Variants in IRF9 observed in about 807,000 individuals in gnomAD.
The protein encoded by IRF9 is IFN-alpha-responsive transcription factor subunit.
In IRF9, 13 loss-of-function variants were observed where a neutral mutation model predicts 44.1. The observed-to-expected ratio is 0.29, with a 90% CI of 0.19 to 0.47. The LOEUF is 0.47. Ranked by LOEUF, IRF9 falls within the 20% of genes least tolerant of loss-of-function variation. IRF9 has a pLI of 1.00. For synonymous variants in IRF9, 189 were observed against 188.5 expected, an observed-to-expected ratio of 1.00 and a Z score of -0.02; for missense variants, 373 against 496.1, an observed-to-expected ratio of 0.75 and a Z score of 2.36.
At position 24,164,171 on chromosome 14, in the gene IRF9, C is replaced by A. The variant is rs760651350; in HGVS notation, c.649+37C>A. On this transcript the variant is annotated intron_variant, in intron 6 of 8. Transcript: ENST00000396864. The surrounding 1 kb of genome is among the most constrained non-coding windows in gnomAD (Gnocchi z 5.2). ...TTCTGACTTTCTCCTGTGCCCTGTG[C>A]CCCTGAGGTCTTCCACCTTTGACTA... The A allele has an allele frequency of 6.4e-7, 1 of 1,560,946 alleles. No homozygotes were observed. Among genetic ancestry groups the A allele is most frequent in the South Asian group, 1.1e-5 (1 of 89,912 alleles).
Position 24,166,295 on chromosome 14 carries a change from A to C in IRF9, c.*99A>C. On this transcript the variant is annotated 3_prime_UTR_variant, in exon 9 of 9. Coordinates refer to ENST00000396864, the MANE Select transcript of IRF9 (RefSeq NM_006084.5). ...CGATTGACCTGTCCTCTTTGTGATAATTCTCAGTAGTTGTCCGTGATAATC... is the reference window on the plus strand; with the variant it reads ...CGATTGACCTGTCCTCTTTGTGATACTTCTCAGTAGTTGTCCGTGATAATC... 1 of 1,056,896 alleles carries C rather than the reference A, an allele frequency of 9.5e-7. No homozygotes were observed. The highest frequency in any genetic ancestry group is 1.4e-6 in the Non-Finnish European group (1 of 699,004). The allele number at this position is 1,056,896 out of a possible 1,614,324, so 65.5% of individuals were successfully genotyped here.
chr14:24,162,864 C>A, intron 2 of IRF9, 102 bp from the exon 3 acceptor site: 1 of 873,386 alleles, frequency 1.1e-6, no homozygotes, highest in Non-Finnish European at 1.8e-6. Flanking sequence ...CCTGCATAAT[C>A]CCTTCTGAGC....
Position 24,165,144 on chromosome 14 carries a change from C to A in IRF9, c.991+189C>A, listed in dbSNP as rs143178384. 1.6e-3 allele frequency: 1,153 copies of A among 713,886 alleles called. 7 individuals carry two copies. The highest frequency in any genetic ancestry group is 0.016 in the African/African-American group (895 of 57,540). The allele number at this position is 713,886 out of a possible 1,614,324, so 44.2% of individuals were successfully genotyped here. A position where few individuals can be genotyped will look rare whatever the true frequency, so the allele number is the denominator to read the frequency against. The stretch of plus-strand genomic sequence containing the variant: ...TATGCCCAGCCTGGCAGCTACCTGG[C>A]AGCTCTCCTCCAGCCAAGACAATGG... On this transcript the variant is annotated intron_variant, in intron 7 of 8. Transcript: ENST00000396864.
intron 4 of IRF9, 26 bp downstream of exon 4, chr14:24,163,534 G>A (rs201764735): frequency 6.2e-7 from 1 of 1,610,432 alleles, no homozygotes; most frequent in Non-Finnish European, 8.5e-7. Context: ...GGAACTGGGT[G>A]GGCCTAAGGG....
At chr14:24,165,505 G>A (rs1000825808) in intron 7 of IRF9, 3 of 530,304 alleles carry the variant, frequency 5.7e-6, no homozygotes, top group Non-Finnish European at 6.8e-6. Flanking sequence ...GGCCATGGGT[G>A]CCCTAGCACT....
At position 24,162,296 on chromosome 14, in the gene IRF9, G is replaced by A. The variant is rs201638725; in HGVS notation, c.152G>A (p.Arg51Gln). 1.9e-5 allele frequency: 30 copies of A among 1,613,944 alleles called. No homozygotes were observed. Among genetic ancestry groups the A allele is most frequent in the Non-Finnish European group, 2.4e-5 (28 of 1,179,974 alleles). ...PWKHAGKQDF[R>Q]EDQDAAFFKA... is the part of the protein sequence containing the mutation. ...AAACATGCAGGCAAGCAGGACTTCC[G>A]GGAGGACCAGGATGCTGCCTTCTTC... Residue 51 changes from arginine to glutamine, a missense_variant, in exon 2 of 9, where the codon CGG becomes CAG. Physicochemically the swap from Arg to Gln is conservative, Grantham distance 43 (BLOSUM62 1). Coordinates refer to ENST00000396864, the MANE Select transcript of IRF9 (RefSeq NM_006084.5).
At chr14:24,162,374 CACACTGGT>C (rs759402927) in intron 2 of IRF9, 50 bp downstream of exon 2, 1 of 1,531,198 alleles carries the variant, frequency 6.5e-7, no homozygotes, top group Admixed American at 1.9e-5. Flanking sequence ...ATGGTGTATA[CACACTGGT>C]ACACTCATCC....
intron 3 of IRF9, 38 bp from the exon 4 acceptor site, chr14:24,163,340 A>C: frequency 6.2e-7 from 1 of 1,604,304 alleles, no homozygotes. Context: ...TCCTTGCTCA[A>C]GACCCTGACC....
intron 4 of IRF9, 63 bp from the exon 5 acceptor site, chr14:24,163,815 C>T (rs2038489152): frequency 2.0e-6 from 3 of 1,501,590 alleles, no homozygotes; most frequent in African/African-American, 2.8e-5. Context: ...CCAGCCTGGG[C>T]AACAAGAGTG....
Position 24,164,021 on chromosome 14 carries a change from C to T in IRF9, c.578-42C>T. The T allele has an allele frequency of 1.9e-6, 3 of 1,613,240 alleles. No homozygotes were observed. Among genetic ancestry groups the T allele is most frequent in the Non-Finnish European group, 2.5e-6 (3 of 1,179,352 alleles). On this transcript the variant is annotated intron_variant, in intron 5 of 8. Transcript: ENST00000396864. This position sits in a 1 kb window ranked among gnomAD's most constrained non-coding sequence, Gnocchi z 5.2. Reference sequence around the variant, plus strand: ...CCACACCCTCTGGCCCAAGACTCCCCAGTCCCACTCTGAATGACCAGTGCC... The same window carrying T: ...CCACACCCTCTGGCCCAAGACTCCCTAGTCCCACTCTGAATGACCAGTGCC...
chr14:24,163,579 A>T (rs1214990716), intron 4 of IRF9, 71 bp downstream of exon 4: 2 of 1,545,786 alleles, frequency 1.3e-6, no homozygotes, highest in East Asian at 4.5e-5. Context: ...TGGGCCAATG[A>T]AAGACACTGT....
intron 7 of IRF9, 146 bp from the exon 8 acceptor site, chr14:24,165,701 G>GT: frequency 1.6e-6 from 1 of 610,858 alleles, no homozygotes; most frequent in Non-Finnish European, 2.9e-6. Context: ...GTAGCACTTA[G>GT]TTCCAAGTAC....
At chr14:24,161,643 A>G (rs1284601459) in intron 1 of IRF9, among the ~76,000 whole-genome samples, 1 of 152,096 alleles carries the variant, frequency 6.6e-6, no homozygotes, top group Non-Finnish European at 1.5e-5. Context: ...CTGCAGCTCC[A>G]ACCCCACCCC....
Position 24,164,230 on chromosome 14 carries a change from C to A in IRF9, c.649+96C>A. ...TTATCTAGTCAGTCAGGGCTTACAG[C>A]AAACTGTACCCACATTACCATAGCC... On this transcript the variant is annotated intron_variant, in intron 6 of 8. Transcript: ENST00000396864. This position sits in a 1 kb window ranked among gnomAD's most constrained non-coding sequence, Gnocchi z 5.2. 9.6e-7 allele frequency: 1 copy of A among 1,045,450 alleles called. No homozygotes were observed. 64.8% of individuals were successfully genotyped at this position (1,045,450 alleles called of 1,614,324 possible). A position where few individuals can be genotyped will look rare whatever the true frequency, so the allele number is the denominator to read the frequency against.
At position 24,162,260 on chromosome 14, in the gene IRF9, G is replaced by T; in HGVS notation, c.116G>T (p.Arg39Leu). The change falls in exon 2 of 9, where the codon CGG becomes CTG. Residue 39 changes from arginine (R) to leucine (L), a missense_variant. Physicochemically the swap from Arg to Leu is moderately radical, Grantham distance 102. Transcript: ENST00000396864. ...GATGATACAGCTAAGACCATGTTCCGGATTCCCTGGAAACATGCAGGCAAG... is the reference window on the plus strand; with the variant it reads ...GATGATACAGCTAAGACCATGTTCCTGATTCCCTGGAAACATGCAGGCAAG... ...CWDDTAKTMF[R>L]IPWKHAGKQD... 1.2e-6 allele frequency: 2 copies of T among 1,614,132 alleles called. No homozygotes were observed. The highest frequency in any genetic ancestry group is 1.7e-6 in the Non-Finnish European group (2 of 1,180,034).
chr14:24,163,751 T>C, intron 4 of IRF9, 127 bp from the exon 5 acceptor site: 1 of 1,011,852 alleles, frequency 9.9e-7, no homozygotes, highest in Non-Finnish European at 1.4e-6. Context: ...GGCAGGAGAA[T>C]CGCTTGAACC....
Position 24,162,342 on chromosome 14 carries a change from C to G in IRF9, c.180+18C>G. ...TCTTCAAGGTGAAAGGGCCTGGAAA[C>G]CACTGTTCCTCTGTGTGTGGGATGG... On this transcript the variant is annotated intron_variant, in intron 2 of 8. Coordinates refer to ENST00000396864, the MANE Select transcript of IRF9 (RefSeq NM_006084.5). 6.2e-7 allele frequency: 1 copy of G among 1,609,980 alleles called. No individual in the cohort carries two copies. Among genetic ancestry groups the G allele is most frequent in the East Asian group, 2.2e-5 (1 of 44,890 alleles).
At position 24,165,506 on chromosome 14, in the gene IRF9, C is replaced by T. The variant is rs1423682455; in HGVS notation, c.992-341C>T. On this transcript the variant is annotated intron_variant, in intron 7 of 8. Coordinates refer to ENST00000396864, the MANE Select transcript of IRF9 (RefSeq NM_006084.5). Reference sequence around the variant, plus strand: ...GTGGGTGTTCCCAGGGCCATGGGTGCCCTAGCACTGGGAGGATGTGAGCAA... The same window carrying T: ...GTGGGTGTTCCCAGGGCCATGGGTGTCCTAGCACTGGGAGGATGTGAGCAA... The T allele has an allele frequency of 4.5e-5, 24 of 529,604 alleles. No individual in the cohort carries two copies. The Admixed American group carries it at 7.7e-4, about 17-fold the overall frequency. 32.8% of individuals were successfully genotyped at this position (529,604 alleles called of 1,614,324 possible).
At chr14:24,162,437 G>T in intron 2 of IRF9, 113 bp downstream of exon 2, 1 of 1,063,332 alleles carries the variant, frequency 9.4e-7, no homozygotes, top group East Asian at 2.5e-5. Flanking sequence ...GGACAGATTG[G>T]AGAGGAAAAC....
Sources: allele counts gnomAD v4.1 joint callset (sites outside exome capture counted in the v4.1 genomes callset), GRCh38; gene constraint gnomAD v4.1.1; non-coding constraint Gnocchi (gnomAD v3.1); transcripts MANE v1.5; gene names NCBI Gene and HGNC (gene_info 2026-07-23, HGNC 2026-07-21).